DGCR2: variants seen among roughly 807,000 people sequenced by gnomAD.
DGCR2 encodes the protein integral membrane protein DGCR2/IDD.
Under a neutral mutation model 51.6 loss-of-function variants are expected in DGCR2, and 24 were observed. The ratio of observed to expected loss-of-function variants is 0.47; its 90% CI spans 0.34 to 0.65. The LOEUF (loss-of-function observed/expected upper bound fraction) is 0.65, where lower values mean the gene tolerates loss of function less well. DGCR2 is among the 30% of genes least tolerant of loss of function. The probability of loss-of-function intolerance (pLI) is 0.01; values close to 1 mark genes in which losing one functional copy is unlikely to be tolerated. For missense variants in DGCR2, 765 were observed against 772.1 expected, an observed-to-expected ratio of 0.99 and a Z score of 0.11; for synonymous variants, 340 against 315.4, an observed-to-expected ratio of 1.08 and a Z score of -0.82.
At chr22:19,115,120 A>G (rs1321986030) in intron 1 of DGCR2, among the ~76,000 whole-genome samples, 2 of 152,210 alleles carry the variant, frequency 1.3e-5, no homozygotes, top group Non-Finnish European at 2.9e-5. Context: ...CAGCCCATGC[A>G]GCCCATGCAC....
intron 1 of DGCR2, among the ~76,000 whole-genome samples, chr22:19,106,591 T>A (rs1032259120): frequency 6.6e-6 from 1 of 152,066 alleles, no homozygotes; most frequent in African/African-American, 2.4e-5. Flanking sequence ...GAACAAGACA[T>A]GTGTGGCTCA....
chr22:19,048,326 T>C, intron 7 of DGCR2, 114 bp downstream of exon 7: 1 of 1,094,992 alleles, frequency 9.1e-7, no homozygotes. Context: ...CCATTGCTGC[T>C]GCGCGATGCT....
intron 1 of DGCR2, among the ~76,000 whole-genome samples, chr22:19,093,248 T>G (rs904730070): frequency 1.3e-5 from 2 of 151,668 alleles, no homozygotes; most frequent in African/African-American, 4.9e-5. Flanking sequence ...TAATCCCAGC[T>G]ACTCGGGAGG....
At chr22:19,096,670 G>C (rs902657355) in intron 1 of DGCR2, among the ~76,000 whole-genome samples, 1 of 151,860 alleles carries the variant, frequency 6.6e-6, no homozygotes, top group African/African-American at 2.4e-5. Context: ...ACTATACTGA[G>C]AAAGAGTTCA....
At chr22:19,110,348 G>C (rs2083301275) in intron 1 of DGCR2, among the ~76,000 whole-genome samples, 1 of 152,186 alleles carries the variant, frequency 6.6e-6, no homozygotes, top group Non-Finnish European at 1.5e-5. Context: ...AGCTTCCTGG[G>C]GGCATTTGTG....
At chr22:19,102,428 C>T (rs1389934548) in intron 1 of DGCR2, among the ~76,000 whole-genome samples, 8 of 151,882 alleles carry the variant, frequency 5.3e-5, no homozygotes, top group East Asian at 2.0e-4. Flanking sequence ...TGGGGCCGGG[C>T]GTGGTGGCTC....
chr22:19,090,536 A>C (rs1326135378), intron 1 of DGCR2, among the ~76,000 whole-genome samples: 2 of 152,264 alleles, frequency 1.3e-5, no homozygotes, highest in East Asian at 3.8e-4. Flanking sequence ...TTCTGAAAGA[A>C]AAAGCTGTTG....
At chr22:19,068,741 C>T (rs2082779848) in intron 2 of DGCR2, among the ~76,000 whole-genome samples, 1 of 152,246 alleles carries the variant, frequency 6.6e-6, no homozygotes, top group Non-Finnish European at 1.5e-5. Context: ...CTGTGAAGGC[C>T]TCCAGGCCAG....
At chr22:19,049,078 G>A (rs549900110) in intron 6 of DGCR2, among the ~76,000 whole-genome samples, 18 of 152,326 alleles carry the variant, frequency 1.2e-4, no homozygotes, top group African/African-American at 3.9e-4. Context: ...AATGGAGGCC[G>A]GAGAGCCAGG....
chr22:19,107,631 T>C (rs2083272631), intron 1 of DGCR2, among the ~76,000 whole-genome samples: 1 of 152,164 alleles, frequency 6.6e-6, no homozygotes, highest in Admixed American at 6.6e-5. Context: ...GAAGGGATCA[T>C]ATAAGATGAA....
chr22:19,051,056 G>C (rs2082542683), intron 6 of DGCR2, among the ~76,000 whole-genome samples: 1 of 151,936 alleles, frequency 6.6e-6, no homozygotes, highest in Non-Finnish European at 1.5e-5. Flanking sequence ...AGGCGTGGTG[G>C]CTCATGTTGG....
At chr22:19,050,808 C>T (rs917151723) in intron 6 of DGCR2, among the ~76,000 whole-genome samples, 10 of 152,152 alleles carry the variant, frequency 6.6e-5, no homozygotes, top group African/African-American at 1.9e-4. Flanking sequence ...AAATGTAAAA[C>T]GGAAAATGAT....
chr22:19,042,231 C>T (rs1344435866), intron 7 of DGCR2, among the ~76,000 whole-genome samples: 2 of 152,220 alleles, frequency 1.3e-5, no homozygotes, highest in African/African-American at 4.8e-5. Context: ...CTGACCATCA[C>T]CGGAGCAAAC....
At chr22:19,083,330 AT>A (rs2082962435) in intron 2 of DGCR2, among the ~76,000 whole-genome samples, 1 of 152,144 alleles carries the variant, frequency 6.6e-6, no homozygotes, top group Non-Finnish European at 1.5e-5. Context: ...TCACTGGCCA[AT>A]TTGGATTTCC....
At chr22:19,081,408 T>C (rs994066946) in intron 2 of DGCR2, among the ~76,000 whole-genome samples, 11 of 152,246 alleles carry the variant, frequency 7.2e-5, no homozygotes, top group Non-Finnish European at 1.2e-4. Context: ...GTGCCATATG[T>C]CGTTTTTAGC....
At chr22:19,074,640 G>C (rs1361815436) in intron 2 of DGCR2, among the ~76,000 whole-genome samples, 2 of 152,100 alleles carry the variant, frequency 1.3e-5, no homozygotes, top group Admixed American at 1.3e-4. Flanking sequence ...AACAATGTTT[G>C]CCTTGAAAAT....
At chr22:19,058,509 C>G (rs867990091) in intron 5 of DGCR2, among the ~76,000 whole-genome samples, 3 of 152,306 alleles carry the variant, frequency 2.0e-5, no homozygotes, top group East Asian at 1.9e-4. Flanking sequence ...CCCCTGCACA[C>G]CCTCCTCATC....
chr22:19,120,286 C>T (rs117290908), intron 1 of DGCR2, among the ~76,000 whole-genome samples: 1,995 of 152,296 alleles, frequency 0.013, 36 homozygotes, highest in South Asian at 0.058. Context: ...TGCCCTACTC[C>T]GACCTCAGTG....
intron 2 of DGCR2, among the ~76,000 whole-genome samples, chr22:19,073,264 C>T (rs945255798): frequency 6.6e-6 from 1 of 150,874 alleles, no homozygotes; most frequent in African/African-American, 2.4e-5. Flanking sequence ...CTGTCACACA[C>T]ACAAAAAAAA....
Sources: allele counts gnomAD v4.1 joint callset (sites outside exome capture counted in the v4.1 genomes callset), GRCh38; gene constraint gnomAD v4.1.1; transcripts MANE v1.5; gene names NCBI Gene and HGNC (gene_info 2026-07-23, HGNC 2026-07-21).